The following DAB1 variants were observed in gnomAD, a reference collection of about 807,000 sequenced individuals.
DAB1 encodes disabled homolog 1.
A neutral mutation model predicts 64.6 loss-of-function variants in DAB1; 15 were observed. That is an observed-to-expected ratio of 0.23 (90% CI 0.16 to 0.36). DAB1 has a LOEUF of 0.36. DAB1 is among the 10% of genes least tolerant of loss of function. DAB1 has a pLI of 1.00. For missense variants in DAB1, 596 were observed against 706.7 expected (o/e 0.84, Z 1.78); for synonymous variants, 235 against 251.9 (o/e 0.93, Z 0.64).
At chr1:58,158,128 T>G (rs1304184476) in intron 4 of DAB1, among the ~76,000 whole-genome samples, 1 of 152,124 alleles carries the variant, frequency 6.6e-6, no homozygotes, top group Admixed American at 6.5e-5. Context: ...TTACTTATTC[T>G]CTTCATTTGC....
chr1:57,754,448 G>C (rs1327250611), intron 6 of DAB1, among the ~76,000 whole-genome samples: 1 of 152,102 alleles, frequency 6.6e-6, no homozygotes, highest in East Asian at 1.9e-4. Flanking sequence ...CACTTTGGGA[G>C]GCCGAGGTGG....
chr1:58,113,355 T>C (rs1373843938), intron 5 of DAB1, among the ~76,000 whole-genome samples: 1 of 152,170 alleles, frequency 6.6e-6, no homozygotes, highest in Non-Finnish European at 1.5e-5. Flanking sequence ...TGGTGGCTCG[T>C]GATGCCCAGG....
intron 4 of DAB1, among the ~76,000 whole-genome samples, chr1:58,175,659 G>T (rs904027702): frequency 2.0e-5 from 3 of 152,064 alleles, no homozygotes; most frequent in Admixed American, 6.5e-5. Flanking sequence ...TAAATTGTTT[G>T]TCTTGTGCTA....
chr1:57,348,722 A>G (rs1678328026), intron 1 of DAB1, among the ~76,000 whole-genome samples: 1 of 152,124 alleles, frequency 6.6e-6, no homozygotes, highest in South Asian at 2.1e-4. Flanking sequence ...TCTAACCTGC[A>G]GCCAACTACC....
intron 3 of DAB1, among the ~76,000 whole-genome samples, chr1:58,383,026 G>A (rs554285275): frequency 5.9e-5 from 9 of 152,158 alleles, no homozygotes; most frequent in African/African-American, 1.4e-4. Flanking sequence ...AGCACCCAGC[G>A]CACAAGGGAC....
At chr1:57,928,638 C>G (rs1030841334) in intron 5 of DAB1, among the ~76,000 whole-genome samples, 4 of 152,172 alleles carry the variant, frequency 2.6e-5, no homozygotes, top group African/African-American at 9.7e-5. Context: ...TACTACCAAC[C>G]TCTATCTTTT....
chr1:57,227,615 G>A (rs1272327927), intron 2 of DAB1, among the ~76,000 whole-genome samples: 1 of 151,674 alleles, frequency 6.6e-6, no homozygotes, highest in African/African-American at 2.4e-5. Context: ...GGAGGGCAGT[G>A]GCATGATCTC....
chr1:57,290,954 T>G lies in DAB1; in HGVS notation c.67+10A>C. On this transcript the variant is annotated intron_variant, in intron 2 of 14. Coordinates refer to ENST00000371236, the MANE Select transcript of DAB1 (RefSeq NM_001365792.1). ...AGTAGCCATTAAAAAAAGGTCAAAT[T>G]CAGCCCTACCTTTCTTTCTGGAGTC... 1 of 1,607,576 alleles carries G rather than the reference T, an allele frequency of 6.2e-7. No homozygotes were observed. The highest frequency in any genetic ancestry group is 1.1e-5 in the South Asian group (1 of 90,328).
chr1:58,385,160 T>G (rs2100550492), intron 3 of DAB1, among the ~76,000 whole-genome samples: 1 of 152,348 alleles, frequency 6.6e-6, no homozygotes, highest in South Asian at 2.1e-4. Flanking sequence ...CATAGCTTTA[T>G]TATATTGATT....
intron 5 of DAB1, among the ~76,000 whole-genome samples, chr1:58,081,838 T>A (rs72667932): frequency 0.02 from 2,974 of 152,294 alleles, 43 homozygotes; most frequent in Non-Finnish European, 0.031. Flanking sequence ...GAATGTACTT[T>A]CTTCTGAGAA....
intron 6 of DAB1, among the ~76,000 whole-genome samples, chr1:57,777,008 C>A (rs1649832379): frequency 6.6e-6 from 1 of 150,736 alleles, no homozygotes; most frequent in Non-Finnish European, 1.5e-5. Flanking sequence ...GCAACAAATT[C>A]TCTCAGCTTC....
intron 6 of DAB1, among the ~76,000 whole-genome samples, chr1:57,757,309 C>A (rs1239212921): frequency 6.7e-6 from 1 of 149,262 alleles, no homozygotes; most frequent in African/African-American, 2.4e-5. Context: ...AACGGTGTGA[C>A]TTTAGGCAAT....
intron 4 of DAB1, among the ~76,000 whole-genome samples, chr1:58,299,098 G>A (rs772840000): frequency 1.3e-5 from 2 of 148,884 alleles, no homozygotes; most frequent in African/African-American, 4.9e-5. Context: ...AATTCTGTCT[G>A]TATTGGACTA....
At chr1:57,256,267 AC>A (rs1425035502) in intron 2 of DAB1, among the ~76,000 whole-genome samples, 1 of 152,216 alleles carries the variant, frequency 6.6e-6, no homozygotes, top group African/African-American at 2.4e-5. Context: ...ATCAGAGATC[AC>A]AAAAGTTGTT....
intron 1 of DAB1, among the ~76,000 whole-genome samples, chr1:57,389,288 C>T (rs1392694313): frequency 6.6e-6 from 1 of 152,172 alleles, no homozygotes; most frequent in East Asian, 1.9e-4. Context: ...AATTAGATTC[C>T]CAGCTGACAA....
chr1:57,590,375 A>G (rs1250684999), intron 7 of DAB1, among the ~76,000 whole-genome samples: 4 of 151,644 alleles, frequency 2.6e-5, no homozygotes. Flanking sequence ...GTTGGAGTGC[A>G]GTGGTGCGAT....
intron 6 of DAB1, among the ~76,000 whole-genome samples, chr1:57,781,110 CTCTCTCTCTCTCTCTCTATATATATA>C (rs1323880945): frequency 1.1e-4 from 7 of 61,744 alleles, no homozygotes; most frequent in African/African-American, 4.0e-4. Context: ...CTCTCTCTCT[CTCTCTCTCTCTCTCTCTATATATATA>C]TATATATATA....
At chr1:58,122,515 T>C (rs1308737761) in intron 5 of DAB1, among the ~76,000 whole-genome samples, 1 of 152,144 alleles carries the variant, frequency 6.6e-6, no homozygotes, top group Non-Finnish European at 1.5e-5. Flanking sequence ...TCACAAAGCC[T>C]TATAGCAATG....
chr1:57,332,162 C>A (rs919221533), intron 1 of DAB1, among the ~76,000 whole-genome samples: 4 of 152,178 alleles, frequency 2.6e-5, no homozygotes, highest in African/African-American at 9.7e-5. Context: ...CAGGGTTTCA[C>A]CGTGTTGGCC....
Sources: allele counts gnomAD v4.1 joint callset (sites outside exome capture counted in the v4.1 genomes callset), GRCh38; gene constraint gnomAD v4.1.1; transcripts MANE v1.5; gene names NCBI Gene and HGNC (gene_info 2026-07-23, HGNC 2026-07-21).